The following ALK variants were observed in gnomAD, a reference collection of about 807,000 sequenced individuals.
ALK encodes the protein ALK tyrosine kinase receptor.
ALK carries 74 observed loss-of-function variants against 163.1 expected under a neutral mutation model. That is an observed-to-expected ratio of 0.45 (90% CI 0.38 to 0.55). The LOEUF is 0.55. Among genes scored for constraint, ALK ranks in the 20% least tolerant of loss-of-function variants. ALK has a pLI of 0.00. For synonymous variants in ALK, 960 were observed against 843.2 expected (o/e 1.14, Z -2.40); for missense variants, 2,063 against 2,105.3 (o/e 0.98, Z 0.39).
At chr2:29,513,634 A>G (rs1200673163) in intron 4 of ALK, among the ~76,000 whole-genome samples, 1 of 151,862 alleles carries the variant, frequency 6.6e-6, no homozygotes, top group Non-Finnish European at 1.5e-5. Flanking sequence ...GCAACAAAAG[A>G]CAAAATTGAC....
intron 1 of ALK, among the ~76,000 whole-genome samples, chr2:29,823,117 G>A (rs1665094866): frequency 6.6e-6 from 1 of 152,186 alleles, no homozygotes; most frequent in Non-Finnish European, 1.5e-5. Context: ...CATGAGATCT[G>A]ATAGTTTTAT....
chr2:29,423,261 C>T (rs985244045), intron 4 of ALK, among the ~76,000 whole-genome samples: 1 of 152,106 alleles, frequency 6.6e-6, no homozygotes, highest in Non-Finnish European at 1.5e-5. Flanking sequence ...GAACCTGAGA[C>T]TTGAAAGAAA....
In ALK at chr2:29,676,262, C is replaced by T. The variant is rs115812651; in HGVS notation, c.952+18588G>A. On this transcript the variant is annotated intron_variant, in intron 3 of 28. Transcript: ENST00000389048. ...GTGATTTTAGCATCATACCTAAAAACGTTTTTCCCCACCCAAGGTCACAAA... is the reference window on the plus strand; with the variant it reads ...GTGATTTTAGCATCATACCTAAAAATGTTTTTCCCCACCCAAGGTCACAAA... Among the ~76,000 whole-genome samples, 719 of 152,088 alleles carry T rather than the reference C, an allele frequency of 4.7e-3. 8 individuals are homozygous for T. Among genetic ancestry groups the T allele is most frequent in the African/African-American group, 0.015 (627 of 41,526 alleles).
intron 9 of ALK, among the ~76,000 whole-genome samples, chr2:29,295,255 G>T (rs1044803221): frequency 6.6e-6 from 1 of 152,318 alleles, no homozygotes; most frequent in South Asian, 2.1e-4. Flanking sequence ...TCTAGAGGAT[G>T]AGAGTGAACC....
intron 4 of ALK, among the ~76,000 whole-genome samples, chr2:29,473,618 A>T (rs1442272317): frequency 1.3e-5 from 2 of 152,186 alleles, no homozygotes; most frequent in Non-Finnish European, 2.9e-5. Context: ...TTCAATAAGC[A>T]TATGAAAGGT....
In ALK at chr2:29,554,245, A is replaced by G. The variant is rs1673787901; in HGVS notation, c.953-22129T>C. 3.9e-5 allele frequency among the ~76,000 whole-genome samples: 6 copies of G among 152,218 alleles called. No homozygotes were observed. In the South Asian group the frequency reaches 1.2e-3, roughly 32 times the overall value. ...TTCATAGATATCATTAAGTGGGGGG[A>G]AAAAGGGAAAACCTTTGTAAAGAGT... On this transcript the variant is annotated intron_variant, in intron 3 of 28. Coordinates refer to ENST00000389048, the MANE Select transcript of ALK (RefSeq NM_004304.5).
At chr2:29,884,738 G>T (rs571165807) in intron 1 of ALK, among the ~76,000 whole-genome samples, 1 of 152,136 alleles carries the variant, frequency 6.6e-6, no homozygotes. Context: ...AAAAGTTTGG[G>T]TTATAAAAAT....
intron 8 of ALK, among the ~76,000 whole-genome samples, chr2:29,314,099 G>A (rs1666764266): frequency 6.6e-6 from 1 of 152,202 alleles, no homozygotes; most frequent in Non-Finnish European, 1.5e-5. Flanking sequence ...GGAAGGATAA[G>A]CCTGTTTCCA....
At chr2:29,209,530 G>T (rs765050303) in intron 25 of ALK, among the ~76,000 whole-genome samples, 4 of 115,938 alleles carry the variant, frequency 3.5e-5, no homozygotes, top group South Asian at 3.0e-4. Context: ...CAACAAGAGC[G>T]AAACTCCGTC....
chr2:29,821,649 C>A lies in ALK; in HGVS notation c.667+98344G>T, dbSNP rs573254680. On this transcript the variant is annotated intron_variant, in intron 1 of 28. Transcript: ENST00000389048. ...GGGCATCTGTAGGGGTTCTGGGGCACTCGATTGCTCCAGATCACTCTGCTC... is the reference window on the plus strand; with the variant it reads ...GGGCATCTGTAGGGGTTCTGGGGCAATCGATTGCTCCAGATCACTCTGCTC... Among the ~76,000 whole-genome samples the A allele has an allele frequency of 6.3e-4, 96 of 152,264 alleles. 1 individual carries two copies. Among genetic ancestry groups the A allele is most frequent in the African/African-American group, 2.2e-3 (91 of 41,554 alleles).
At position 29,634,250 on chromosome 2, in the gene ALK, G is replaced by A. The variant is rs187739539; in HGVS notation, c.952+60600C>T. 2.0e-3 allele frequency among the ~76,000 whole-genome samples: 301 copies of A among 152,042 alleles called. 3 individuals carry two copies. Among genetic ancestry groups the A allele is most frequent in the Non-Finnish European group, 2.6e-3 (180 of 67,986 alleles). ...ATAGCTAGGATTAGTGACACACTGCGGTGCTGGTTTCCAATTCATTTTATG... is the reference window on the plus strand; with the variant it reads ...ATAGCTAGGATTAGTGACACACTGCAGTGCTGGTTTCCAATTCATTTTATG... On this transcript the variant is annotated intron_variant, in intron 3 of 28. Coordinates refer to ENST00000389048, the MANE Select transcript of ALK (RefSeq NM_004304.5).
At chr2:29,236,685 G>T (rs1056661505) in intron 13 of ALK, among the ~76,000 whole-genome samples, 1 of 152,020 alleles carries the variant, frequency 6.6e-6, no homozygotes, top group South Asian at 2.1e-4. Context: ...CCATCCTCTT[G>T]CATCCTCTCC....
intron 1 of ALK, among the ~76,000 whole-genome samples, chr2:29,896,446 A>G (rs1445009124): frequency 6.6e-6 from 1 of 152,150 alleles, no homozygotes; most frequent in Non-Finnish European, 1.5e-5. Flanking sequence ...AAATGAGGTC[A>G]ATAAGGGTGG....
intron 16 of ALK, among the ~76,000 whole-genome samples, chr2:29,228,208 T>C (rs1234561349): frequency 2.0e-5 from 3 of 152,164 alleles, no homozygotes; most frequent in Non-Finnish European, 4.4e-5. Context: ...AGCATGTGGT[T>C]AACACAAGCA....
In ALK at chr2:29,193,113, G is replaced by T; in HGVS notation, c.*111C>A. ...TTTTGGTGGTACTTCAAAATAGGTT[G>T]GCACAAAACAAAACGTGACATTTGG... On this transcript the variant is annotated 3_prime_UTR_variant, in exon 29 of 29. Coordinates refer to ENST00000389048, the MANE Select transcript of ALK (RefSeq NM_004304.5). The T allele has an allele frequency of 1.6e-6, 2 of 1,226,322 alleles. No individual in the cohort carries two copies. The highest frequency in any genetic ancestry group is 2.4e-6 in the Non-Finnish European group (2 of 850,606). 76.0% of individuals were successfully genotyped at this position (1,226,322 alleles called of 1,614,324 possible). A position where few individuals can be genotyped will look rare whatever the true frequency, so the allele number is the denominator to read the frequency against.
intron 1 of ALK, among the ~76,000 whole-genome samples, chr2:29,773,489 C>T (rs1434831255): frequency 1.3e-5 from 2 of 152,150 alleles, no homozygotes; most frequent in Non-Finnish European, 1.5e-5. Flanking sequence ...AGGTCTGACT[C>T]GACTGACTTC....
intron 1 of ALK, among the ~76,000 whole-genome samples, chr2:29,796,974 A>G (rs1006960353): frequency 5.9e-5 from 9 of 151,294 alleles, no homozygotes; most frequent in Non-Finnish European, 1.3e-4. Flanking sequence ...ATATACATAC[A>G]TACATACACA....
At chr2:29,440,182 C>A (rs771616622) in intron 4 of ALK, among the ~76,000 whole-genome samples, 1 of 151,818 alleles carries the variant, frequency 6.6e-6, no homozygotes, top group Non-Finnish European at 1.5e-5. Context: ...TGCAGTGAGC[C>A]GAGATCGTGC....
chr2:29,720,136 T>C (rs1018861937), intron 1 of ALK, among the ~76,000 whole-genome samples: 4 of 151,880 alleles, frequency 2.6e-5, no homozygotes, highest in African/African-American at 9.7e-5. Context: ...AGGGAGCACT[T>C]ATGAATCTGT....
Sources: allele counts gnomAD v4.1 joint callset (sites outside exome capture counted in the v4.1 genomes callset), GRCh38; gene constraint gnomAD v4.1.1; transcripts MANE v1.5; gene names NCBI Gene and HGNC (gene_info 2026-07-23, HGNC 2026-07-21).